The following LAMA1 variants were observed in gnomAD, a reference collection of about 807,000 sequenced individuals.
LAMA1 encodes laminin subunit alpha-1.
LAMA1 carries 219 observed loss-of-function variants against 348.7 expected under a neutral mutation model. The ratio of observed to expected loss-of-function variants is 0.63; its 90% confidence interval spans 0.56 to 0.70. LAMA1 has a LOEUF of 0.70. Among genes scored for constraint, LAMA1 ranks in the 30% least tolerant of loss-of-function variants. The pLI is 0.00. For missense variants in LAMA1, 3,744 were observed against 3,888.0 expected (o/e 0.96, Z 0.99); for synonymous variants, 1,487 against 1,491.0 (o/e 1.00, Z 0.06).
intron 40 of LAMA1, 22 bp from the exon 41 acceptor site, chr18:6,982,612 G>C: frequency 6.2e-7 from 1 of 1,602,768 alleles, no homozygotes; most frequent in Non-Finnish European, 8.5e-7. Flanking sequence ...AACCACTTAA[G>C]CGTGGTGAGA....
chr18:7,116,029 G>A (rs2058354926), intron 1 of LAMA1, among the ~76,000 whole-genome samples: 1 of 152,076 alleles, frequency 6.6e-6, no homozygotes, highest in Non-Finnish European at 1.5e-5. Flanking sequence ...GGTTGGTGGG[G>A]TGCGGAAGGC....
At chr18:7,074,850 A>G (rs2058160268) in intron 3 of LAMA1, among the ~76,000 whole-genome samples, 3 of 105,704 alleles carry the variant, frequency 2.8e-5, no homozygotes, top group Admixed American at 9.4e-5. Flanking sequence ...CATTACTAAA[A>G]TAAACAGTAG....
chr18:6,955,185 T>C (rs965673120), intron 57 of LAMA1, 168 bp downstream of exon 57: 4 of 657,326 alleles, frequency 6.1e-6, no homozygotes, highest in Non-Finnish European at 1.1e-5. Context: ...CATGAAAGCG[T>C]TGTGATTTGC....
rs1405404277 is a variant in LAMA1 at position 7,026,116 on chromosome 18, T to C, written c.2275-10A>G. On this transcript the variant is annotated splice_polypyrimidine_tract_variant and intron_variant, in intron 16 of 62. Transcript: ENST00000389658. ...TGTTGTGCGCACACGCCTAGGAACA[T>C]GCACCAGAAGAATCAGCTCAGGTTG... The C allele has an allele frequency of 1.2e-6, 2 of 1,610,486 alleles. No individual in the cohort carries two copies. Among genetic ancestry groups the C allele is most frequent in the Non-Finnish European group, 1.7e-6 (2 of 1,178,192 alleles).
At chr18:7,079,618 A>G in intron 3 of LAMA1, 2 of 352,604 alleles carry the variant, frequency 5.7e-6, no homozygotes. Context: ...ACAGTAAGCT[A>G]AAAGTTAGGA....
At chr18:6,992,439 C>CT in intron 36 of LAMA1, 122 bp downstream of exon 36, 1 of 1,116,432 alleles carries the variant, frequency 9.0e-7, no homozygotes, top group South Asian at 1.3e-5. Context: ...CCCTTCTCCT[C>CT]TCTTAGGATA....
chr18:7,034,149 G>A (rs1024389568), intron 14 of LAMA1, among the ~76,000 whole-genome samples: 29 of 152,188 alleles, frequency 1.9e-4, no homozygotes, highest in African/African-American at 5.5e-4. Context: ...TAAAAGCTAA[G>A]ACCATTAACA....
In LAMA1 at chr18:7,079,999, G is replaced by C. The variant is rs552735547; in HGVS notation, c.321C>G (p.Val107=). The C allele has an allele frequency of 1.5e-5, 25 of 1,613,914 alleles. No homozygotes were observed. In the Admixed American group the frequency reaches 4.2e-4, roughly 27 times the overall value. The change falls in exon 3 of 63, where the codon GTC becomes GTG. Residue 107 remains valine (V), a synonymous_variant. Coordinates refer to ENST00000389658, the MANE Select transcript of LAMA1 (RefSeq NM_005559.4). Reference sequence around the variant, plus strand: ...CCTGTCTTAAGTCCAGAGTGATTGTGACCCAGTGATATTCTCTCCCATTCT... The same window carrying C: ...CCTGTCTTAAGTCCAGAGTGATTGTCACCCAGTGATATTCTCTCCCATTCT... ...SIQNGREYHW[V]TITLDLRQVF...
At chr18:6,967,066 G>C (rs901286058) in intron 48 of LAMA1, among the ~76,000 whole-genome samples, 2 of 152,158 alleles carry the variant, frequency 1.3e-5, no homozygotes, top group Non-Finnish European at 2.9e-5. Flanking sequence ...AATTTGAACT[G>C]TTCCCAGTTA....
intron 5 of LAMA1, among the ~76,000 whole-genome samples, chr18:7,047,500 A>C (rs6506465): frequency 0.055 from 8,424 of 152,316 alleles, 813 homozygotes; most frequent in African/African-American, 0.19. Context: ...AAAATGTCTT[A>C]TAAAATTCTT....
Position 7,080,359 on chromosome 18 carries a change from C to A in LAMA1, c.160G>T (p.Glu54Ter). 6.2e-7 allele frequency: 1 copy of A among 1,614,246 alleles called. No individual in the cohort carries two copies. Among genetic ancestry groups the A allele is most frequent in the South Asian group, 1.1e-5 (1 of 91,086 alleles). ...KGPEMFCKLV[E>*]HVPGRPVRNP... is the part of the protein sequence containing the mutation. ...CGGACGGGCCGACCTGGCACATGCT[C>A]CACAAGTTTGCAGAACATCTCCGGC... Residue 54 changes from glutamate (E) to a stop codon, truncating the protein, a stop_gained, in exon 2 of 63, where the codon GAG (glutamate) becomes TAG (stop). Transcript: ENST00000389658. LOFTEE classifies it high-confidence loss of function.
chr18:7,021,623 G>A (rs1344235533), intron 19 of LAMA1, among the ~76,000 whole-genome samples: 3 of 151,272 alleles, frequency 2.0e-5, no homozygotes, highest in South Asian at 2.1e-4. Flanking sequence ...TTTAAAACCT[G>A]ATCACATGAC....
chr18:6,953,978 G>A (rs971569472), intron 57 of LAMA1: 2 of 152,452 alleles, frequency 1.3e-5, no homozygotes, highest in African/African-American at 4.8e-5. Context: ...ACAAAAGCAG[G>A]GGCTGGTCTT....
At chr18:6,981,532 C>T (rs1331390577) in intron 41 of LAMA1, among the ~76,000 whole-genome samples, 2 of 152,164 alleles carry the variant, frequency 1.3e-5, no homozygotes, top group Admixed American at 6.5e-5. Flanking sequence ...ATGGTTAAAA[C>T]GTGAAATTTT....
At chr18:7,032,223 G>A (rs1422493542) in intron 15 of LAMA1, 47 bp from the exon 16 acceptor site, 2 of 1,243,848 alleles carry the variant, frequency 1.6e-6, no homozygotes, top group African/African-American at 1.5e-5. Context: ...GTTACAAACA[G>A]AAACTGCTCA....
chr18:7,006,833 C>T (rs2057834217), intron 29 of LAMA1, among the ~76,000 whole-genome samples: 1 of 152,148 alleles, frequency 6.6e-6, no homozygotes, highest in African/African-American at 2.4e-5. Context: ...ATAGTCTTAT[C>T]AGACCACTGT....
At chr18:7,083,193 A>ATTT (rs10685378) in intron 1 of LAMA1, among the ~76,000 whole-genome samples, 48,087 of 140,846 alleles carry the variant, frequency 0.34, 8,808 homozygotes, top group East Asian at 0.53. Context: ...ATATATATAC[A>ATTT]TTTTTTTTTT....
chr18:7,056,636 T>C (rs1310802005), intron 3 of LAMA1, among the ~76,000 whole-genome samples: 1 of 152,110 alleles, frequency 6.6e-6, no homozygotes, highest in Non-Finnish European at 1.5e-5. Context: ...ACACCTAGGG[T>C]CACTGAACTT....
intron 1 of LAMA1, 93 bp from the exon 2 acceptor site, chr18:7,080,550 T>C (rs925471557): frequency 3.1e-6 from 4 of 1,308,970 alleles, no homozygotes; most frequent in Non-Finnish European, 4.3e-6. Flanking sequence ...CAAAAGGAGA[T>C]TGAAAGTCTA....
Sources: allele counts gnomAD v4.1 joint callset (sites outside exome capture counted in the v4.1 genomes callset), GRCh38; gene constraint gnomAD v4.1.1; transcripts MANE v1.5; gene names NCBI Gene and HGNC (gene_info 2026-07-23, HGNC 2026-07-21).